Variants in RIC3 observed in about 807,000 individuals in gnomAD.
RIC3 encodes the protein protein RIC-3.
In RIC3, 28 loss-of-function variants were observed where a neutral mutation model predicts 27.3. The observed-to-expected ratio is 1.02, with a 90% confidence interval of 0.76 to 1.41. The LOEUF is 1.41. Ranked by LOEUF, RIC3 falls within the 40% of genes most tolerant of loss-of-function variation. RIC3 has a pLI of 0.00. For missense variants in RIC3, 501 were observed against 444.7 expected (o/e 1.13, Z -1.14); for synonymous variants, 184 against 160.4 (o/e 1.15, Z -1.11).
At chr11:8,131,701 G>C (rs1394620752) in intron 4 of RIC3, among the ~76,000 whole-genome samples, 1 of 152,008 alleles carries the variant, frequency 6.6e-6, no homozygotes, top group Non-Finnish European at 1.5e-5. Flanking sequence ...AGGAGTTCGA[G>C]TCAAGCCTGG....
the RIC3 span, among the ~76,000 whole-genome samples, chr11:8,100,113 G>C: frequency 5.4e-4 from 83 of 152,312 alleles, 1 homozygote; most frequent in East Asian, 0.013. Flanking sequence ...CCAGGCAAAG[G>C]CTGTTAGAAT....
intron 5 of RIC3, among the ~76,000 whole-genome samples, chr11:8,121,971 G>A (rs1335888607): frequency 6.6e-6 from 1 of 152,132 alleles, no homozygotes; most frequent in Non-Finnish European, 1.5e-5. Context: ...GCATGCACCT[G>A]GAGTCCCAGC....
At chr11:8,134,015 C>CT (rs1488866528) in intron 4 of RIC3, among the ~76,000 whole-genome samples, 1 of 150,868 alleles carries the variant, frequency 6.6e-6, no homozygotes, top group African/African-American at 2.4e-5. Context: ...TTTTATTATA[C>CT]TTTAAGTTCT....
the RIC3 span, chr11:8,100,614 C>T: frequency 3.7e-6 from 6 of 1,608,912 alleles, no homozygotes; most frequent in Admixed American, 6.7e-5. Context: ...GAGTGTCTAC[C>T]CCTTCCTCCC....
At chr11:8,126,003 A>G (rs2133611460) in intron 5 of RIC3, among the ~76,000 whole-genome samples, 2 of 152,264 alleles carry the variant, frequency 1.3e-5, no homozygotes, top group African/African-American at 4.8e-5. Flanking sequence ...TGCTCTGCAA[A>G]CTCCAGCCTG....
At chr11:8,120,524 TC>T (rs1474373460) in intron 5 of RIC3, among the ~76,000 whole-genome samples, 3 of 152,008 alleles carry the variant, frequency 2.0e-5, no homozygotes, top group African/African-American at 7.2e-5. Flanking sequence ...CCGGGACCTG[TC>T]GGAGGATGGA....
At position 8,140,209 on chromosome 11, in the gene RIC3, T is replaced by G; in HGVS notation, c.125-16A>C. The G allele has an allele frequency of 6.2e-7, 1 of 1,602,214 alleles. No individual in the cohort carries two copies. Among genetic ancestry groups the G allele is most frequent in the Non-Finnish European group, 8.5e-7 (1 of 1,172,108 alleles). On this transcript the variant is annotated splice_polypyrimidine_tract_variant and intron_variant, in intron 1 of 5. Transcript: ENST00000309737. ...CCCAATTTTCCTGAGAAAATAATAA[T>G]CACTTTTTATCTCTTCTACTATTTT... is the stretch of plus-strand genomic sequence containing the variant.
intron 5 of RIC3, among the ~76,000 whole-genome samples, chr11:8,116,389 T>C (rs79409296): frequency 0.017 from 2,619 of 152,290 alleles, 78 homozygotes; most frequent in African/African-American, 0.059. Flanking sequence ...TATTTTTGGA[T>C]ATGACACCAA....
At chr11:8,155,827 A>G (rs1224405099) in intron 1 of RIC3, among the ~76,000 whole-genome samples, 1 of 152,208 alleles carries the variant, frequency 6.6e-6, no homozygotes, top group Non-Finnish European at 1.5e-5. Context: ...CAGTTGCTTA[A>G]GATAGCCAAG....
intron 1 of RIC3, among the ~76,000 whole-genome samples, chr11:8,149,375 T>G (rs1565094631): frequency 6.6e-6 from 1 of 152,060 alleles, no homozygotes; most frequent in East Asian, 1.9e-4. Flanking sequence ...CCAAATTAGT[T>G]TGGCTCCATT....
downstream of RIC3, chr11:8,101,973 C>T: frequency 3.5e-6 from 1 of 287,544 alleles, no homozygotes; most frequent in South Asian, 6.3e-5. Flanking sequence ...GGAGAGGAAG[C>T]ACACTGCAGG....
At chr11:8,119,467 G>A (rs556655667) in intron 5 of RIC3, among the ~76,000 whole-genome samples, 5 of 152,268 alleles carry the variant, frequency 3.3e-5, no homozygotes, top group Non-Finnish European at 7.4e-5. Flanking sequence ...TTTAATAAAT[G>A]GTGCTGGGAA....
chr11:8,161,463 A>C (rs1384463941), intron 1 of RIC3, among the ~76,000 whole-genome samples: 1 of 152,196 alleles, frequency 6.6e-6, no homozygotes, highest in Non-Finnish European at 1.5e-5. Flanking sequence ...ATTCTATTTT[A>C]AAATGTCTCT....
chr11:8,137,257 C>G, intron 4 of RIC3, 121 bp downstream of exon 4: 2 of 766,840 alleles, frequency 2.6e-6, no homozygotes, highest in South Asian at 1.6e-5. Context: ...CTCCTGACCT[C>G]AGATGATCCA....
intron 4 of RIC3, among the ~76,000 whole-genome samples, chr11:8,133,981 CTTTTT>C (rs879399283): frequency 6.9e-6 from 1 of 145,116 alleles, no homozygotes; most frequent in Non-Finnish European, 1.5e-5. Context: ...CTATGGTTTT[CTTTTT>C]TTTTTTAATA....
At chr11:8,095,773 A>T in the RIC3 span, 1 of 1,238,812 alleles carries the variant, frequency 8.1e-7, no homozygotes, top group Admixed American at 2.4e-5. Flanking sequence ...CTCCCTGGCA[A>T]TGGTGGGTGA....
chr11:8,093,426 G>A, the RIC3 span, among the ~76,000 whole-genome samples: 1 of 152,192 alleles, frequency 6.6e-6, no homozygotes, highest in Non-Finnish European at 1.5e-5. Flanking sequence ...TTCAGCTTAA[G>A]AGCAATCAGA....
chr11:8,156,789 T>G (rs982975192), intron 1 of RIC3, among the ~76,000 whole-genome samples: 1 of 152,170 alleles, frequency 6.6e-6, no homozygotes, highest in African/African-American at 2.4e-5. Context: ...CTATTCCCCA[T>G]GCCTGTAAAA....
intron 4 of RIC3, among the ~76,000 whole-genome samples, chr11:8,129,830 C>G (rs143870357): frequency 6.6e-6 from 1 of 152,304 alleles, no homozygotes; most frequent in Non-Finnish European, 1.5e-5. Flanking sequence ...TTTTCTCCAT[C>G]TCTCACTCCC....
Sources: gnomAD v4.1 joint callset for allele counts (sites outside exome capture counted in the v4.1 genomes callset) on GRCh38, gnomAD v4.1.1 for gene constraint, MANE v1.5 for transcripts, NCBI Gene and HGNC (gene_info 2026-07-23, HGNC 2026-07-21) for gene names.